KIAA1328: variants seen among roughly 807,000 people sequenced by gnomAD.
The protein encoded by KIAA1328 is KIAA1328, also known as protein hinderin.
KIAA1328 carries 52 observed loss-of-function variants against 68.1 expected under a neutral mutation model. The ratio of observed to expected loss-of-function variants is 0.76; its 90% CI spans 0.61 to 0.96. The LOEUF (loss-of-function observed/expected upper bound fraction) is 0.96. KIAA1328 is among the 40% of genes least tolerant of loss of function. KIAA1328 has a pLI of 0.00. For missense variants in KIAA1328, 641 were observed against 677.6 expected (o/e 0.95, Z 0.60); for synonymous variants, 232 against 239.4 (o/e 0.97, Z 0.28).
At chr18:36,855,842 G>T (rs2047364758) in intron 4 of KIAA1328, among the ~76,000 whole-genome samples, 1 of 151,224 alleles carries the variant, frequency 6.6e-6, no homozygotes, top group Non-Finnish European at 1.5e-5. Context: ...AATTCATTTT[G>T]AGTTAATTTT....
intron 4 of KIAA1328, among the ~76,000 whole-genome samples, chr18:36,851,349 C>T (rs1165165133): frequency 6.6e-6 from 1 of 152,028 alleles, no homozygotes; most frequent in African/African-American, 2.4e-5. Context: ...ATTTCCTTCC[C>T]TTATGTTTTT....
intron 5 of KIAA1328, among the ~76,000 whole-genome samples, chr18:36,925,468 G>A (rs992197035): frequency 6.6e-6 from 1 of 151,848 alleles, no homozygotes; most frequent in Non-Finnish European, 1.5e-5. Context: ...TTCTCTTTTT[G>A]TACAGTATAA....
chr18:36,997,815 G>T (rs1196908452), intron 6 of KIAA1328, among the ~76,000 whole-genome samples: 1 of 152,154 alleles, frequency 6.6e-6, no homozygotes, highest in African/African-American at 2.4e-5. Context: ...TTTCCATTGG[G>T]ACTTGGTTGT....
At chr18:36,918,164 T>C (rs1457836332) in intron 5 of KIAA1328, among the ~76,000 whole-genome samples, 1 of 152,086 alleles carries the variant, frequency 6.6e-6, no homozygotes, top group Non-Finnish European at 1.5e-5. Flanking sequence ...GTAATAAATA[T>C]TCCCCCCCTT....
chr18:36,856,691 A>C (rs1158237696), intron 4 of KIAA1328, among the ~76,000 whole-genome samples: 1 of 152,150 alleles, frequency 6.6e-6, no homozygotes, highest in Non-Finnish European at 1.5e-5. Flanking sequence ...CTTTCTATTA[A>C]CTTCTTGTTC....
intron 7 of KIAA1328, among the ~76,000 whole-genome samples, chr18:37,109,259 A>G (rs562185253): frequency 6.6e-6 from 1 of 152,322 alleles, no homozygotes; most frequent in African/African-American, 2.4e-5. Context: ...TGGTTTTAAA[A>G]TGATAGCTAA....
Position 37,133,098 on chromosome 18 carries a change from G to C in KIAA1328, c.1233-27102G>C, listed in dbSNP as rs935972990. On this transcript the variant is annotated intron_variant, in intron 7 of 9. Coordinates refer to ENST00000280020, the MANE Select transcript of KIAA1328 (RefSeq NM_020776.3). ...GTCTGTAATCCCAGCACTTTGGGAG[G>C]CTGAGGCGGGTGGATCATGAGGTCA... Among the ~76,000 whole-genome samples the C allele has an allele frequency of 2.6e-5, 4 of 152,138 alleles. No homozygotes were observed. The East Asian group carries it at 7.7e-4, about 29-fold the overall frequency.
chr18:36,894,227 T>C (rs2048796752), intron 5 of KIAA1328, among the ~76,000 whole-genome samples: 2 of 152,198 alleles, frequency 1.3e-5, no homozygotes, highest in Admixed American at 1.3e-4. Flanking sequence ...TTTATAAAAA[T>C]GTGTAATATA....
At chr18:37,099,753 G>A (rs888758353) in intron 7 of KIAA1328, among the ~76,000 whole-genome samples, 1 of 152,150 alleles carries the variant, frequency 6.6e-6, no homozygotes, top group Non-Finnish European at 1.5e-5. Flanking sequence ...ACGAATCTGG[G>A]TACTCCTGTA....
At chr18:37,036,402 C>T (rs1412546340) in intron 6 of KIAA1328, among the ~76,000 whole-genome samples, 1 of 152,184 alleles carries the variant, frequency 6.6e-6, no homozygotes, top group Non-Finnish European at 1.5e-5. Context: ...CTGATATAGA[C>T]CCTGAATGCT....
intron 5 of KIAA1328, among the ~76,000 whole-genome samples, chr18:36,887,107 T>C (rs2048526772): frequency 6.7e-6 from 1 of 149,586 alleles, no homozygotes; most frequent in Non-Finnish European, 1.5e-5. Context: ...CATCTCCAAC[T>C]TTCTCTTTTT....
intron 5 of KIAA1328, among the ~76,000 whole-genome samples, chr18:36,950,599 A>G (rs985409092): frequency 6.6e-6 from 1 of 152,190 alleles, no homozygotes; most frequent in Non-Finnish European, 1.5e-5. Context: ...GAGGTGACAT[A>G]AAAATTAAGT....
At chr18:36,922,682 G>A (rs932575476) in intron 5 of KIAA1328, among the ~76,000 whole-genome samples, 2 of 151,902 alleles carry the variant, frequency 1.3e-5, no homozygotes, top group African/African-American at 2.4e-5. Context: ...TTTTTCTTTC[G>A]TTTTATGAGT....
rs745464096 is a variant in KIAA1328, at chr18:37,067,120, T to G, written c.807T>G (p.Cys269Trp). Residue 269 changes from cysteine (C) to tryptophan (W), a missense_variant, in exon 7 of 10, where the codon TGT becomes TGG. Coordinates refer to ENST00000280020, the MANE Select transcript of KIAA1328 (RefSeq NM_020776.3). ...LDKIPSETTT[C>W]NCESPGRKPA... Reference sequence around the variant, plus strand: ...AGATACCATCAGAGACCACAACATGTAATTGTGAATCTCCAGGGAGAAAAC... The same window carrying G: ...AGATACCATCAGAGACCACAACATGGAATTGTGAATCTCCAGGGAGAAAAC... 1 of 1,613,978 alleles carries G rather than the reference T, an allele frequency of 6.2e-7. No homozygotes were observed. Among genetic ancestry groups the G allele is most frequent in the South Asian group, 1.1e-5 (1 of 91,082 alleles).
chr18:36,947,158 C>A (rs1184904425), intron 5 of KIAA1328, among the ~76,000 whole-genome samples: 1 of 152,044 alleles, frequency 6.6e-6, no homozygotes, highest in Non-Finnish European at 1.5e-5. Context: ...AGCAAGACTC[C>A]GTCTCCTAAA....
chr18:37,129,825 A>G (rs767999583), intron 7 of KIAA1328, among the ~76,000 whole-genome samples: 2 of 152,192 alleles, frequency 1.3e-5, no homozygotes, highest in South Asian at 4.1e-4. Flanking sequence ...AGTTGATGCT[A>G]TAGCTGACAG....
intron 7 of KIAA1328, among the ~76,000 whole-genome samples, chr18:37,155,353 C>T (rs111770481): frequency 1.8e-3 from 270 of 152,278 alleles, no homozygotes; most frequent in Non-Finnish European, 2.9e-3. Context: ...CTCAGATGTT[C>T]CATAAGCATC....
chr18:36,958,433 A>G (rs2051512584), intron 5 of KIAA1328, among the ~76,000 whole-genome samples: 1 of 152,198 alleles, frequency 6.6e-6, no homozygotes, highest in African/African-American at 2.4e-5. Context: ...CTTATTTTCC[A>G]AAGTGGCAGC....
At chr18:37,083,198 C>T (rs1388401131) in intron 7 of KIAA1328, among the ~76,000 whole-genome samples, 1 of 152,108 alleles carries the variant, frequency 6.6e-6, no homozygotes, top group Non-Finnish European at 1.5e-5. Context: ...CATTTTTTCA[C>T]TTTTCTCATA....
Sources: gnomAD v4.1 joint callset for allele counts (sites outside exome capture counted in the v4.1 genomes callset) on GRCh38, gnomAD v4.1.1 for gene constraint, MANE v1.5 for transcripts, NCBI Gene and HGNC (gene_info 2026-07-23, HGNC 2026-07-21) for gene names.